CFAP44: variants seen among roughly 807,000 people sequenced by gnomAD.
CFAP44 encodes cilia and flagella associated protein 44.
CFAP44 carries 134 observed loss-of-function variants against 216.2 expected under a neutral mutation model. The observed-to-expected ratio is 0.62, with a 90% CI of 0.54 to 0.72. The LOEUF is 0.72. Ranked by LOEUF, CFAP44 falls within the 30% of genes least tolerant of loss-of-function variation. The pLI, the probability that CFAP44 is intolerant of heterozygous loss-of-function variation, is 0.00. For missense variants in CFAP44, 2,035 were observed against 2,182.1 expected, an observed-to-expected ratio of 0.93 and a Z score of 1.34; for synonymous variants, 700 against 727.6, an observed-to-expected ratio of 0.96 and a Z score of 0.61.
At position 113,304,025 on chromosome 3, in the gene CFAP44, G is replaced by A. The variant is rs1482044064; in HGVS notation, c.4968C>T (p.Ile1656=). The A allele has an allele frequency of 5.2e-6, 8 of 1,537,226 alleles. No homozygotes were observed. Among genetic ancestry groups the A allele is most frequent in the Non-Finnish European group, 7.0e-6 (8 of 1,146,944 alleles). ...TGGAATTTTCCTCCTGGAGCTCATG[G>A]ATTCGTTCTTGCAGCCGTCTCAAGG... The part of the protein sequence containing the change: ...NHALRRLQER[I]HELQEENSKQ... Residue 1656 remains isoleucine (I), a synonymous_variant, in exon 32 of 35, where the codon ATC becomes ATT. Coordinates refer to ENST00000393845, the MANE Select transcript of CFAP44 (RefSeq NM_001164496.2).
chr3:113,323,758 T>A lies in CFAP44; in HGVS notation c.4516+2687A>T, dbSNP rs560884754. Among the ~76,000 whole-genome samples, 3 of 152,240 alleles carry A rather than the reference T, an allele frequency of 2.0e-5. No individual in the cohort carries two copies. The East Asian group carries it at 5.8e-4, about 29-fold the overall frequency. ...GACTCACCCAATATGAAATAGATCA[T>A]TTGGGCTGGGTGCAGTGGCTCACGC... On this transcript the variant is annotated intron_variant, in intron 28 of 34. Coordinates refer to ENST00000393845, the MANE Select transcript of CFAP44 (RefSeq NM_001164496.2).
chr3:113,328,360 T>C (rs545275026), intron 26 of CFAP44, among the ~76,000 whole-genome samples: 1 of 149,904 alleles, frequency 6.7e-6, no homozygotes, highest in African/African-American at 2.5e-5. Context: ...AGAGCCGAAG[T>C]ATCCCAAGTC....
At chr3:113,353,445 T>C (rs1441878966) in intron 22 of CFAP44, among the ~76,000 whole-genome samples, 1 of 138,714 alleles carries the variant, frequency 7.2e-6, no homozygotes, top group Admixed American at 7.3e-5. Context: ...TTCATATATA[T>C]GTATGAATAC....
intron 5 of CFAP44, among the ~76,000 whole-genome samples, chr3:113,418,189 G>T (rs1337739824): frequency 6.6e-6 from 1 of 152,018 alleles, no homozygotes; most frequent in African/African-American, 2.4e-5. Context: ...CCAGGCTCAA[G>T]CAATTCTCGT....
At chr3:113,323,659 A>G (rs1950164402) in intron 28 of CFAP44, among the ~76,000 whole-genome samples, 1 of 152,224 alleles carries the variant, frequency 6.6e-6, no homozygotes, top group South Asian at 2.1e-4. Flanking sequence ...CACTAAAAAG[A>G]TAAGGATATT....
At chr3:113,396,076 G>T (rs947121978) in intron 14 of CFAP44, among the ~76,000 whole-genome samples, 4 of 152,122 alleles carry the variant, frequency 2.6e-5, no homozygotes, top group African/African-American at 9.7e-5. Context: ...CTGAAAATAT[G>T]ATCACCATAC....
intron 24 of CFAP44, among the ~76,000 whole-genome samples, chr3:113,335,421 A>C (rs914563457): frequency 6.6e-6 from 1 of 152,200 alleles, no homozygotes; most frequent in African/African-American, 2.4e-5. Flanking sequence ...TGTGGAAAAG[A>C]ATATCAGAGG....
At chr3:113,340,826 A>C (rs568547150) in intron 24 of CFAP44, among the ~76,000 whole-genome samples, 4 of 152,302 alleles carry the variant, frequency 2.6e-5, no homozygotes, top group African/African-American at 9.6e-5. Context: ...GCCTTGGTGT[A>C]CTGGAAGAAT....
At chr3:113,352,397 C>T (rs984419324) in intron 22 of CFAP44, among the ~76,000 whole-genome samples, 6 of 152,158 alleles carry the variant, frequency 3.9e-5, no homozygotes, top group African/African-American at 1.4e-4. Flanking sequence ...TGGGTCTGCA[C>T]CACCTTTAAG....
In CFAP44 at chr3:113,304,129, A is replaced by C. The variant is rs969810008; in HGVS notation, c.4876-12T>G. The C allele has an allele frequency of 8.5e-6, 13 of 1,528,254 alleles. No individual in the cohort carries two copies. Among genetic ancestry groups the C allele is most frequent in the South Asian group, 1.2e-5 (1 of 82,660 alleles). The allele number at this position is 1,528,254 out of a possible 1,614,324, so 94.7% of individuals were successfully genotyped here. On this transcript the variant is annotated splice_polypyrimidine_tract_variant and intron_variant, in intron 31 of 34. Coordinates refer to ENST00000393845, the MANE Select transcript of CFAP44 (RefSeq NM_001164496.2). The stretch of plus-strand genomic sequence containing the variant: ...ACCACATACTCTATCTACAAGCATA[A>C]AACAAATCAAAAGAAAATAGACAAA...
chr3:113,329,428 G>C (rs1950221511), intron 26 of CFAP44, among the ~76,000 whole-genome samples: 1 of 152,110 alleles, frequency 6.6e-6, no homozygotes, highest in African/African-American at 2.4e-5. Flanking sequence ...AAGGTGGAGT[G>C]GAGAGAGGCA....
chr3:113,316,407 C>A (rs1463668744), intron 28 of CFAP44, among the ~76,000 whole-genome samples: 1 of 151,904 alleles, frequency 6.6e-6, no homozygotes, highest in South Asian at 2.1e-4. Context: ...AAACCAAAAG[C>A]AAGCAGGAAA....
At chr3:113,306,978 T>G (rs911572002) in intron 29 of CFAP44, among the ~76,000 whole-genome samples, 1 of 152,324 alleles carries the variant, frequency 6.6e-6, no homozygotes, top group South Asian at 2.1e-4. Context: ...GATAAAAACT[T>G]TATCTGAAAT....
At chr3:113,415,578 G>A (rs1934623076) in intron 6 of CFAP44, among the ~76,000 whole-genome samples, 2 of 152,054 alleles carry the variant, frequency 1.3e-5, no homozygotes, top group Admixed American at 1.3e-4. Context: ...GTTCTCATTG[G>A]TTTCAAAGAA....
intron 7 of CFAP44, among the ~76,000 whole-genome samples, chr3:113,407,889 G>A (rs1304695257): frequency 1.3e-5 from 2 of 152,100 alleles, no homozygotes; most frequent in Non-Finnish European, 2.9e-5. Flanking sequence ...ATATACTCTG[G>A]GTTCCTTCAT....
intron 2 of CFAP44, among the ~76,000 whole-genome samples, 153 bp downstream of exon 2, chr3:113,433,412 A>C (rs976105254): frequency 2.1e-5 from 3 of 140,722 alleles, no homozygotes; most frequent in African/African-American, 7.8e-5. Context: ...CTGGGCAACA[A>C]GAGCAAAACT....
At chr3:113,371,866 T>C (rs904835918) in intron 18 of CFAP44, among the ~76,000 whole-genome samples, 1 of 152,014 alleles carries the variant, frequency 6.6e-6, no homozygotes, top group South Asian at 2.1e-4. Context: ...ACAAAGAACT[T>C]AAACAAATTT....
In CFAP44 at chr3:113,361,848, T is replaced by G. The variant is rs191268495; in HGVS notation, c.2934+1297A>C. ...TTTATATTTTGAAGACCTGCTATTC[T>G]GACCACAATTTTTTTTTACCAGAAA... On this transcript the variant is annotated intron_variant, in intron 21 of 34. Transcript: ENST00000393845. Among the ~76,000 whole-genome samples, 289 of 141,366 alleles carry G rather than the reference T, an allele frequency of 2.0e-3. 2 individuals carry two copies. Among genetic ancestry groups the G allele is most frequent in the African/African-American group, 6.1e-3 (236 of 38,400 alleles). The allele number at this position is 141,366 out of a possible 152,430, so 92.7% of individuals were successfully genotyped here.
intron 32 of CFAP44, among the ~76,000 whole-genome samples, chr3:113,303,005 C>CA (rs1218202526): frequency 1.3e-5 from 2 of 152,052 alleles, no homozygotes; most frequent in African/African-American, 4.8e-5. Flanking sequence ...CACCAGCAAT[C>CA]AAAAAATGTG....
Sources: gnomAD v4.1 joint callset for allele counts (sites outside exome capture counted in the v4.1 genomes callset) on GRCh38, gnomAD v4.1.1 for gene constraint, MANE v1.5 for transcripts, NCBI Gene and HGNC (gene_info 2026-07-23, HGNC 2026-07-21) for gene names.